CCDC171: variants seen among roughly 807,000 people sequenced by gnomAD.
The protein encoded by CCDC171 is coiled-coil domain containing 171.
A neutral mutation model predicts 168.2 loss-of-function variants in CCDC171; 177 were observed. The ratio of observed to expected loss-of-function variants is 1.05; its 90% CI spans 0.93 to 1.19. The LOEUF is 1.19. CCDC171 is among the 50% of genes most tolerant of loss of function. The probability of loss-of-function intolerance (pLI) is 0.00; values close to 1 mark genes in which losing one functional copy is unlikely to be tolerated. For missense variants in CCDC171, 1,991 were observed against 1,539.0 expected (o/e 1.29, Z -4.91); for synonymous variants, 687 against 540.8 (o/e 1.27, Z -3.75).
At chr9:15,874,113 A>G (rs1817537638) in intron 23 of CCDC171, among the ~76,000 whole-genome samples, 1 of 152,150 alleles carries the variant, frequency 6.6e-6, no homozygotes, top group Non-Finnish European at 1.5e-5. Context: ...AGTACCTAAT[A>G]ACTATCTTGT....
intron 11 of CCDC171, among the ~76,000 whole-genome samples, chr9:15,720,199 A>G (rs1250757514): frequency 6.6e-6 from 1 of 152,182 alleles, no homozygotes; most frequent in East Asian, 1.9e-4. Flanking sequence ...AACATGAGAT[A>G]TCACCATACT....
At chr9:15,815,300 G>C (rs1257178498) in intron 21 of CCDC171, among the ~76,000 whole-genome samples, 1 of 151,478 alleles carries the variant, frequency 6.6e-6, no homozygotes, top group Non-Finnish European at 1.5e-5. Flanking sequence ...AATAGAATGT[G>C]AACTCTGTGC....
intron 18 of CCDC171, among the ~76,000 whole-genome samples, chr9:15,749,043 C>A: frequency 6.6e-6 from 1 of 151,908 alleles, no homozygotes; most frequent in East Asian, 1.9e-4. Flanking sequence ...AGAGTCAAGA[C>A]CCATTGGTGT....
intron 7 of CCDC171, among the ~76,000 whole-genome samples, chr9:15,636,278 C>A (rs1408518110): frequency 1.3e-5 from 2 of 151,970 alleles, no homozygotes. Context: ...CATACTCTAA[C>A]CACACATGGG....
At chr9:15,904,435 G>A (rs1822204432) in intron 24 of CCDC171, among the ~76,000 whole-genome samples, 1 of 151,980 alleles carries the variant, frequency 6.6e-6, no homozygotes, top group South Asian at 2.1e-4. Flanking sequence ...CTTCATAAGT[G>A]AAGGAGAAAT....
At chr9:15,680,944 T>C (rs2049999866) in intron 10 of CCDC171, among the ~76,000 whole-genome samples, 1 of 152,114 alleles carries the variant, frequency 6.6e-6, no homozygotes, top group East Asian at 1.9e-4. Context: ...CTAATTCTGG[T>C]TTTCTAGCAC....
At chr9:15,857,107 T>C (rs939536481) in intron 23 of CCDC171, among the ~76,000 whole-genome samples, 1 of 152,034 alleles carries the variant, frequency 6.6e-6, no homozygotes, top group African/African-American at 2.4e-5. Flanking sequence ...ATTAACCTCT[T>C]AAATTTTAGA....
At chr9:16,021,262 A>G (rs143775683) in intron 4 of CCDC171, among the ~76,000 whole-genome samples, 30 of 152,116 alleles carry the variant, frequency 2.0e-4, no homozygotes, top group African/African-American at 7.0e-4. Flanking sequence ...TAGTTTTTGT[A>G]TTTTTAGTAG....
At chr9:15,721,923 C>T in intron 12 of CCDC171, 48 bp downstream of exon 12, 1 of 931,570 alleles carries the variant, frequency 1.1e-6, no homozygotes, top group Non-Finnish European at 1.5e-6. Flanking sequence ...TCGGCCTGTA[C>T]CAGTACGTAT....
intron 7 of CCDC171, 37 bp from the exon 8 acceptor site, chr9:15,657,090 C>G (rs1190310319): frequency 2.5e-6 from 3 of 1,199,234 alleles, no homozygotes; most frequent in African/African-American, 3.0e-5. Flanking sequence ...CTTTAAATAC[C>G]AATGTTTATG....
chr9:15,755,845 G>T (rs1464438114), intron 18 of CCDC171, among the ~76,000 whole-genome samples: 1 of 152,104 alleles, frequency 6.6e-6, no homozygotes, highest in Non-Finnish European at 1.5e-5. Context: ...AGTTTCTTTT[G>T]GGGTTGATAA....
chr9:15,566,488 G>A (rs1057095383), intron 2 of CCDC171, among the ~76,000 whole-genome samples: 3 of 152,212 alleles, frequency 2.0e-5, no homozygotes, highest in Non-Finnish European at 2.9e-5. Flanking sequence ...GAAGCTGGGA[G>A]GCGGAGATTG....
intron 25 of CCDC171, among the ~76,000 whole-genome samples, chr9:15,931,880 T>A (rs1162711157): frequency 6.6e-6 from 1 of 151,882 alleles, no homozygotes; most frequent in Non-Finnish European, 1.5e-5. Flanking sequence ...GAAGAGATTG[T>A]CCTCTCCCCA....
chr9:15,580,798 A>G (rs967218599), intron 4 of CCDC171, among the ~76,000 whole-genome samples: 2 of 152,176 alleles, frequency 1.3e-5, no homozygotes, highest in South Asian at 4.1e-4. Flanking sequence ...AAATTAGTAC[A>G]ATCACTATGG....
chr9:15,716,245 C>G (rs1332617779), intron 11 of CCDC171, among the ~76,000 whole-genome samples: 3 of 152,026 alleles, frequency 2.0e-5, no homozygotes, highest in Admixed American at 1.3e-4. Flanking sequence ...TAAAGTGTTC[C>G]TGATATATTC....
chr9:15,600,631 C>T (rs2042768147), intron 6 of CCDC171, among the ~76,000 whole-genome samples: 1 of 152,222 alleles, frequency 6.6e-6, no homozygotes, highest in Admixed American at 6.5e-5. Flanking sequence ...TCTCCAGCTG[C>T]ATGCTGGGAG....
At chr9:15,659,293 G>C (rs947938880) in intron 8 of CCDC171, among the ~76,000 whole-genome samples, 8 of 152,256 alleles carry the variant, frequency 5.3e-5, no homozygotes, top group African/African-American at 1.7e-4. Context: ...AATTACATAG[G>C]AGGAGATTTG....
At chr9:15,618,141 G>A (rs576836351) in intron 6 of CCDC171, among the ~76,000 whole-genome samples, 1 of 152,262 alleles carries the variant, frequency 6.6e-6, no homozygotes, top group East Asian at 1.9e-4. Flanking sequence ...CTTCCCCCAG[G>A]TGCTCTGTCC....
At chr9:15,885,910 T>A (rs2131399302) in intron 24 of CCDC171, 1 of 152,324 alleles carries the variant, frequency 6.6e-6, no homozygotes, top group African/African-American at 2.4e-5. Context: ...AGACTGTTAT[T>A]ACTCTCAAAT....
Sources: gnomAD v4.1 joint callset for allele counts (sites outside exome capture counted in the v4.1 genomes callset) on GRCh38, gnomAD v4.1.1 for gene constraint, MANE v1.5 for transcripts, NCBI Gene and HGNC (gene_info 2026-07-23, HGNC 2026-07-21) for gene names.